ADAMTSL1: variants seen among roughly 807,000 people sequenced by gnomAD.
ADAMTSL1 encodes ADAMTS like 1, also known as ADAMTS-like protein 1.
In ADAMTSL1, 126 loss-of-function variants were observed where a neutral mutation model predicts 201.8. The observed-to-expected ratio is 0.62, with a 90% CI of 0.54 to 0.72. The LOEUF is 0.72. ADAMTSL1 is among the 30% of genes least tolerant of loss of function. The pLI, the probability that ADAMTSL1 is intolerant of heterozygous loss-of-function variation, is 0.00. For synonymous variants in ADAMTSL1, 1,121 were observed against 903.4 expected (o/e 1.24, Z -4.32); for missense variants, 2,679 against 2,277.8 (o/e 1.18, Z -3.59).
At chr9:17,985,563 A>G (rs1367574597) in intron 1 of ADAMTSL1, among the ~76,000 whole-genome samples, 1 of 152,104 alleles carries the variant, frequency 6.6e-6, no homozygotes, top group Non-Finnish European at 1.5e-5. Flanking sequence ...CAAGGAGGAA[A>G]TTGGTTGACT....
In ADAMTSL1 at chr9:18,711,489, G is replaced by T. The variant is rs867153725; in HGVS notation, c.1876+4441G>T. 5.5e-4 allele frequency among the ~76,000 whole-genome samples: 84 copies of T among 152,340 alleles called. 1 individual carries two copies. In the Middle Eastern group the frequency reaches 0.01, roughly 19 times the overall value. ...CTAGTCAAAGAAAGGGGTGACAGAC[G>T]GCACCTGGAAAATCGGGTCACTCCC... On this transcript the variant is annotated intron_variant, in intron 14 of 28. Coordinates refer to ENST00000380548, the MANE Select transcript of ADAMTSL1 (RefSeq NM_001040272.6).
chr9:18,359,550 A>G (rs927413402), intron 2 of ADAMTSL1, among the ~76,000 whole-genome samples: 3 of 152,196 alleles, frequency 2.0e-5, no homozygotes, highest in Non-Finnish European at 4.4e-5. Flanking sequence ...GGTCCTTGCC[A>G]GTGTTCATAG....
At chr9:18,837,906 CCT>C (rs1397596468) in intron 23 of ADAMTSL1, among the ~76,000 whole-genome samples, 1 of 152,118 alleles carries the variant, frequency 6.6e-6, no homozygotes, top group African/African-American at 2.4e-5. Context: ...TGACATATTC[CCT>C]GTTTCTAAGG....
At chr9:18,220,949 A>G (rs1377640842) in intron 2 of ADAMTSL1, among the ~76,000 whole-genome samples, 4 of 151,478 alleles carry the variant, frequency 2.6e-5, no homozygotes, top group Non-Finnish European at 5.9e-5. Flanking sequence ...TAATTTTCAT[A>G]TTTTTTGTAG....
chr9:17,932,632 C>T (rs549012986), intron 1 of ADAMTSL1, among the ~76,000 whole-genome samples: 4 of 152,184 alleles, frequency 2.6e-5, no homozygotes, highest in Admixed American at 2.0e-4. Flanking sequence ...GAATAAACTT[C>T]CACTAAGTTT....
intron 1 of ADAMTSL1, among the ~76,000 whole-genome samples, chr9:18,074,561 C>CTTTTTTTTTTTTTTTTTTTTTTTTTTT (rs138619215): frequency 7.6e-6 from 1 of 131,348 alleles, no homozygotes; most frequent in African/African-American, 2.8e-5. Context: ...CTTCTCTTTT[C>CTTTTTTTTTTTTTTTTTTTTTTTTTTT]TTTTTTTTTT....
chr9:18,366,671 A>G (rs1035044577), intron 2 of ADAMTSL1, among the ~76,000 whole-genome samples: 3 of 115,176 alleles, frequency 2.6e-5, no homozygotes, highest in African/African-American at 7.3e-5. Flanking sequence ...TTTTTTTAAG[A>G]CAGAGTCTCA....
At chr9:18,238,419 T>G (rs990941620) in intron 2 of ADAMTSL1, among the ~76,000 whole-genome samples, 13 of 151,702 alleles carry the variant, frequency 8.6e-5, no homozygotes, top group African/African-American at 2.9e-4. Context: ...GGCAGCAGAG[T>G]TGTAGGGGAA....
chr9:18,533,173 T>G, intron 2 of ADAMTSL1, 74 bp from the exon 3 acceptor site: 1 of 1,381,276 alleles, frequency 7.2e-7, no homozygotes, highest in Non-Finnish European at 1.0e-6. Context: ...TTAGAGCAAA[T>G]TTTTATAAGA....
intron 23 of ADAMTSL1, among the ~76,000 whole-genome samples, chr9:18,838,820 G>A (rs1825505077): frequency 6.6e-6 from 1 of 150,848 alleles, no homozygotes; most frequent in Admixed American, 6.6e-5. Flanking sequence ...ATCTGCAAGT[G>A]AGCTATAATC....
chr9:18,192,784 A>G (rs1258721643), intron 2 of ADAMTSL1, among the ~76,000 whole-genome samples: 2 of 152,148 alleles, frequency 1.3e-5, no homozygotes, highest in Non-Finnish European at 2.9e-5. Context: ...GTTTTAGAGA[A>G]TGAAAGAAAA....
At chr9:18,591,905 C>T (rs1823939256) in intron 4 of ADAMTSL1, among the ~76,000 whole-genome samples, 1 of 152,114 alleles carries the variant, frequency 6.6e-6, no homozygotes, top group African/African-American at 2.4e-5. Flanking sequence ...AAGTGGTAAG[C>T]AGTTGGCAAG....
intron 1 of ADAMTSL1, among the ~76,000 whole-genome samples, chr9:18,160,383 A>C (rs141949076): frequency 7.9e-4 from 120 of 152,094 alleles, no homozygotes; most frequent in Admixed American, 1.8e-3. Context: ...GAAGAGATTT[A>C]AGTTTTTAAG....
intron 1 of ADAMTSL1, among the ~76,000 whole-genome samples, chr9:17,970,408 A>T (rs1423828050): frequency 2.0e-5 from 3 of 151,922 alleles, no homozygotes; most frequent in Non-Finnish European, 4.4e-5. Context: ...CCCTTGGATG[A>T]CTCACTGCTG....
At position 18,059,160 on chromosome 9, in the gene ADAMTSL1, C is replaced by T. The variant is rs57110055; in HGVS notation, c.88-104702C>T. ...GCAATGATTTGGAGGGTATCACAGA[C>T]ACGAACTCCTGGTATGAAATGTGGC... On this transcript the variant is annotated intron_variant, in intron 1 of 29. Transcript: ENST00000680146. Among the ~76,000 whole-genome samples, 981 of 152,252 alleles carry T rather than the reference C, an allele frequency of 6.4e-3. 16 individuals are homozygous for T. Among genetic ancestry groups the T allele is most frequent in the African/African-American group, 0.023 (943 of 41,550 alleles).
upstream of ADAMTSL1, among the ~76,000 whole-genome samples, chr9:18,471,636 C>G (rs1225276381): frequency 2.0e-5 from 3 of 152,174 alleles, no homozygotes; most frequent in Admixed American, 2.0e-4. Context: ...CTGTGTAGCT[C>G]TGGATGTGCA....
intron 16 of ADAMTSL1, among the ~76,000 whole-genome samples, chr9:18,769,498 T>A (rs916504284): frequency 6.6e-6 from 1 of 152,232 alleles, no homozygotes; most frequent in Non-Finnish European, 1.5e-5. Context: ...TAACATTGGC[T>A]TTAAAAAGAT....
intron 1 of ADAMTSL1, among the ~76,000 whole-genome samples, chr9:17,979,867 G>C (rs1275630033): frequency 6.6e-6 from 1 of 152,142 alleles, no homozygotes; most frequent in Admixed American, 6.5e-5. Context: ...GAGTCCTTGG[G>C]TAGGCTAGAC....
At chr9:18,488,819 C>T (rs1489640399) in intron 1 of ADAMTSL1, among the ~76,000 whole-genome samples, 1 of 152,182 alleles carries the variant, frequency 6.6e-6, no homozygotes, top group Non-Finnish European at 1.5e-5. Flanking sequence ...CTCGTAACTA[C>T]AGTCTTCCAT....
Sources: gnomAD v4.1 joint callset for allele counts (sites outside exome capture counted in the v4.1 genomes callset) on GRCh38, gnomAD v4.1.1 for gene constraint, MANE v1.5 for transcripts, NCBI Gene and HGNC (gene_info 2026-07-23, HGNC 2026-07-21) for gene names.